RAB3C: variants seen among roughly 807,000 people sequenced by gnomAD.
RAB3C encodes the protein RAB3C, member RAS oncogene family.
RAB3C carries 17 observed loss-of-function variants against 26.4 expected under a neutral mutation model. The ratio of observed to expected loss-of-function variants is 0.64; its 90% confidence interval spans 0.44 to 0.97. The LOEUF is 0.97. Ranked by LOEUF, RAB3C falls within the 50% of genes least tolerant of loss-of-function variation. The pLI is 0.00. For missense variants in RAB3C, 242 were observed against 281.9 expected, an observed-to-expected ratio of 0.86 and a Z score of 1.01; for synonymous variants, 91 against 95.9, an observed-to-expected ratio of 0.95 and a Z score of 0.30.
chr5:58,588,226 G>C (rs186335163), intron 1 of RAB3C, among the ~76,000 whole-genome samples: 2 of 151,968 alleles, frequency 1.3e-5, no homozygotes, highest in Non-Finnish European at 2.9e-5. Flanking sequence ...ATACCTAAAA[G>C]TAAAATTGCT....
intron 2 of RAB3C, among the ~76,000 whole-genome samples, chr5:58,626,406 T>C (rs1747052925): frequency 6.6e-6 from 1 of 152,190 alleles, no homozygotes; most frequent in Admixed American, 6.5e-5. Context: ...CCAAAATGTT[T>C]AATCTGCCTG....
At chr5:58,736,683 G>C (rs1741144194) in intron 3 of RAB3C, among the ~76,000 whole-genome samples, 1 of 152,168 alleles carries the variant, frequency 6.6e-6, no homozygotes, top group South Asian at 2.1e-4. Flanking sequence ...TAAGGACATA[G>C]TCATATTGGA....
chr5:58,799,316 G>T (rs1397481101), intron 3 of RAB3C, among the ~76,000 whole-genome samples: 1 of 152,078 alleles, frequency 6.6e-6, no homozygotes, highest in African/African-American at 2.4e-5. Context: ...GTGAAAACTA[G>T]ATGTATGGCA....
At chr5:58,605,574 A>G (rs1746543052) in intron 1 of RAB3C, among the ~76,000 whole-genome samples, 1 of 152,166 alleles carries the variant, frequency 6.6e-6, no homozygotes, top group Non-Finnish European at 1.5e-5. Context: ...ACGGAGCAGA[A>G]ACTTCTGTGG....
chr5:58,620,116 G>T (rs1389197972), intron 2 of RAB3C, among the ~76,000 whole-genome samples: 1 of 151,864 alleles, frequency 6.6e-6, no homozygotes, highest in East Asian at 1.9e-4. Flanking sequence ...AGACAGTCAG[G>T]CCTGGGACCT....
At chr5:58,824,194 G>A (rs12514504) in intron 3 of RAB3C, among the ~76,000 whole-genome samples, 12 of 152,014 alleles carry the variant, frequency 7.9e-5, no homozygotes, top group African/African-American at 1.9e-4. Flanking sequence ...ATACGTGTGC[G>A]TGTGTCTTTA....
chr5:58,623,874 C>T (rs1746993890), intron 2 of RAB3C, among the ~76,000 whole-genome samples: 1 of 152,128 alleles, frequency 6.6e-6, no homozygotes, highest in Non-Finnish European at 1.5e-5. Flanking sequence ...AATGTTGTCC[C>T]TGATTCTCAC....
chr5:58,688,548 A>G (rs1379944981), intron 2 of RAB3C, among the ~76,000 whole-genome samples: 1 of 152,152 alleles, frequency 6.6e-6, no homozygotes, highest in Non-Finnish European at 1.5e-5. Flanking sequence ...ACATAAAGTA[A>G]CAATCTGCTC....
chr5:58,605,634 A>G (rs1746544346), intron 1 of RAB3C, among the ~76,000 whole-genome samples: 1 of 152,180 alleles, frequency 6.6e-6, no homozygotes, highest in Non-Finnish European at 1.5e-5. Flanking sequence ...GCGGTGGCTC[A>G]CACCTGTAAT....
At chr5:58,725,513 G>A (rs1740870304) in intron 2 of RAB3C, among the ~76,000 whole-genome samples, 1 of 151,760 alleles carries the variant, frequency 6.6e-6, no homozygotes, top group Non-Finnish European at 1.5e-5. Context: ...CTTTAAATAA[G>A]CTTTCTATCC....
intron 3 of RAB3C, among the ~76,000 whole-genome samples, chr5:58,801,487 T>C (rs1341169362): frequency 6.6e-6 from 1 of 152,184 alleles, no homozygotes. Flanking sequence ...ATCCAGCCAA[T>C]CACTAAAGAC....
At position 58,592,001 on chromosome 5, in the gene RAB3C, C is replaced by T. The variant is rs531255290; in HGVS notation, c.24+8769C>T. 4.6e-5 allele frequency among the ~76,000 whole-genome samples: 7 copies of T among 151,052 alleles called. No homozygotes were observed. The South Asian group carries it at 8.4e-4, about 18-fold the overall frequency. ...GCAACCTCTGCCTCCCGGGTTCAAG[C>T]GATTCTCCTGCCTCAGCTTTCTGAG... On this transcript the variant is annotated intron_variant, in intron 1 of 4. Coordinates refer to ENST00000282878, the MANE Select transcript of RAB3C (RefSeq NM_138453.4).
rs57056495 is a variant in RAB3C, at chr5:58,762,055, CAA to C, written c.371+35948_371+35949del. On this transcript the variant is annotated intron_variant, in intron 3 of 4. Coordinates refer to ENST00000282878, the MANE Select transcript of RAB3C (RefSeq NM_138453.4). Reference sequence around the variant, plus strand: ...GTTCCCTAGCAGCCACTTTTAGAAGCAAAAAAAAAAAAAATAGGTAAAATTAA... The same window carrying C: ...GTTCCCTAGCAGCCACTTTTAGAAGCAAAAAAAAAAAATAGGTAAAATTAA... 5.3e-3 allele frequency among the ~76,000 whole-genome samples: 687 copies of C among 130,318 alleles called. 12 individuals carry two copies. The highest frequency in any genetic ancestry group is 0.017 in the African/African-American group (590 of 34,164). 85.5% of individuals were successfully genotyped at this position (130,318 alleles called of 152,430 possible). A position where few individuals can be genotyped will look rare whatever the true frequency, so the allele number is the denominator to read the frequency against.
intron 2 of RAB3C, among the ~76,000 whole-genome samples, chr5:58,693,779 T>C (rs1001336394): frequency 3.3e-5 from 5 of 152,152 alleles, no homozygotes; most frequent in Admixed American, 6.5e-5. Context: ...TCAATAAATG[T>C]TTGCCTGATG....
At position 58,617,876 on chromosome 5, in the gene RAB3C, T is replaced by C. The variant is rs747846548; in HGVS notation, c.252+6T>C. 5.1e-6 allele frequency: 8 copies of C among 1,582,908 alleles called. No homozygotes were observed. The highest frequency in any genetic ancestry group is 6.9e-6 in the Non-Finnish European group (8 of 1,155,224). On this transcript the variant is annotated splice_donor_region_variant and intron_variant, in intron 2 of 4. Transcript: ENST00000282878. Reference sequence around the variant, plus strand: ...GAATCAAGCTTCAGATTTGGGTAAGTGGCTTTGAACTGGCAGTGTTCTTCA... The same window carrying C: ...GAATCAAGCTTCAGATTTGGGTAAGCGGCTTTGAACTGGCAGTGTTCTTCA...
At chr5:58,749,270 C>A (rs1337150365) in intron 3 of RAB3C, among the ~76,000 whole-genome samples, 1 of 152,000 alleles carries the variant, frequency 6.6e-6, no homozygotes, top group Non-Finnish European at 1.5e-5. Flanking sequence ...TTAGAAAAGT[C>A]CTAATATTAA....
intron 3 of RAB3C, among the ~76,000 whole-genome samples, chr5:58,755,772 AG>A (rs1741642024): frequency 6.6e-6 from 1 of 152,216 alleles, no homozygotes; most frequent in Non-Finnish European, 1.5e-5. Flanking sequence ...GGGACTGCTG[AG>A]TACTAGGCAA....
At position 58,736,757 on chromosome 5, in the gene RAB3C, A is replaced by G. The variant is rs560386892; in HGVS notation, c.371+10637A>G. On this transcript the variant is annotated intron_variant, in intron 3 of 4. Transcript: ENST00000282878. Reference sequence around the variant, plus strand: ...GCAAAGACTATTTCCAAATAAGGTCACGTTCACCGGTCCTGGGGTTATAAC... The same window carrying G: ...GCAAAGACTATTTCCAAATAAGGTCGCGTTCACCGGTCCTGGGGTTATAAC... 2.0e-5 allele frequency among the ~76,000 whole-genome samples: 3 copies of G among 152,308 alleles called. No individual in the cohort carries two copies. The East Asian group carries it at 5.8e-4, about 29-fold the overall frequency.
At chr5:58,750,827 C>A in intron 3 of RAB3C, among the ~76,000 whole-genome samples, 1 of 151,898 alleles carries the variant, frequency 6.6e-6, no homozygotes, top group East Asian at 1.9e-4. Context: ...TGCTTCCTTC[C>A]TTCCTCCCTC....
Sources: allele counts gnomAD v4.1 joint callset (sites outside exome capture counted in the v4.1 genomes callset), GRCh38; gene constraint gnomAD v4.1.1; transcripts MANE v1.5; gene names NCBI Gene and HGNC (gene_info 2026-07-23, HGNC 2026-07-21).